The following LRRTM3 variants were observed in gnomAD, a reference collection of about 807,000 sequenced individuals.
LRRTM3 encodes the protein leucine-rich repeat transmembrane neuronal protein 3.
A neutral mutation model predicts 44.7 loss-of-function variants in LRRTM3; 24 were observed. That is an observed-to-expected ratio of 0.54 (90% CI 0.39 to 0.76). The LOEUF (loss-of-function observed/expected upper bound fraction) is 0.76. Ranked by LOEUF, LRRTM3 falls within the 30% of genes least tolerant of loss-of-function variation. LRRTM3 has a pLI of 0.00. For missense variants in LRRTM3, 587 were observed against 702.2 expected, an observed-to-expected ratio of 0.84 and a Z score of 1.85; for synonymous variants, 277 against 278.7, an observed-to-expected ratio of 0.99 and a Z score of 0.06.
chr10:66,944,066 T>C (rs2132693158), intron 2 of LRRTM3, among the ~76,000 whole-genome samples: 1 of 152,266 alleles, frequency 6.6e-6, no homozygotes, highest in Middle Eastern at 3.4e-3. Context: ...GGATGTCTGC[T>C]GCATTGGTTG....
chr10:66,936,157 G>C (rs1352297104), intron 2 of LRRTM3, among the ~76,000 whole-genome samples: 1 of 151,982 alleles, frequency 6.6e-6, no homozygotes, highest in Non-Finnish European at 1.5e-5. Flanking sequence ...TATTTTTATG[G>C]GCTTTACTCT....
intron 2 of LRRTM3, among the ~76,000 whole-genome samples, chr10:66,997,092 T>A (rs376529697): frequency 1.7e-3 from 265 of 152,308 alleles, no homozygotes; most frequent in African/African-American, 5.5e-3. Context: ...TTAGATGTGA[T>A]GGCAAGAATA....
intron 2 of LRRTM3, among the ~76,000 whole-genome samples, chr10:67,071,329 G>GT (rs1424770614): frequency 1.3e-5 from 1 of 78,216 alleles, no homozygotes; most frequent in African/African-American, 9.2e-5. Flanking sequence ...TTGTATTTTG[G>GT]GTTTTTTTTT....
intron 2 of LRRTM3, among the ~76,000 whole-genome samples, chr10:66,994,798 A>G (rs779430427): frequency 2.2e-4 from 34 of 152,360 alleles, no homozygotes; most frequent in Non-Finnish European, 4.7e-4. Context: ...ATTGTGAAGA[A>G]GTTTTACAAA....
At chr10:67,014,817 C>T (rs978027721) in intron 2 of LRRTM3, among the ~76,000 whole-genome samples, 1 of 151,940 alleles carries the variant, frequency 6.6e-6, no homozygotes, top group African/African-American at 2.4e-5. Flanking sequence ...TCATTCCAAA[C>T]ATAGCTAAAT....
chr10:67,078,866 C>A (rs1286268641), intron 2 of LRRTM3, among the ~76,000 whole-genome samples: 1 of 152,140 alleles, frequency 6.6e-6, no homozygotes, highest in Admixed American at 6.5e-5. Context: ...GCAAGGTTAG[C>A]AGGACACTTG....
At chr10:67,082,490 T>C (rs1857102525) in intron 2 of LRRTM3, among the ~76,000 whole-genome samples, 1 of 152,124 alleles carries the variant, frequency 6.6e-6, no homozygotes, top group East Asian at 1.9e-4. Context: ...GGGCTATACT[T>C]AAGGCCATAA....
rs552486865 is a variant in LRRTM3, at chr10:67,101,300, C to A, written c.*3504C>A. On this transcript the variant is annotated 3_prime_UTR_variant, in exon 3 of 3. Transcript: ENST00000361320. Reference sequence around the variant, plus strand: ...GAGATCCATAGTACAGGGTTGAACACATGTTCAACACTTTGTCAACTGAAC... The same window carrying A: ...GAGATCCATAGTACAGGGTTGAACAAATGTTCAACACTTTGTCAACTGAAC... Among the ~76,000 whole-genome samples the A allele has an allele frequency of 6.6e-6, 1 of 151,716 alleles. No homozygotes were observed. The highest frequency in any genetic ancestry group is 2.4e-5 in the African/African-American group (1 of 41,380).
At chr10:67,052,754 AC>A (rs1311328470) in intron 2 of LRRTM3, 1 of 152,202 alleles carries the variant, frequency 6.6e-6, no homozygotes, top group Non-Finnish European at 1.5e-5. Flanking sequence ...TACTACAAAA[AC>A]AAACAAACAA....
intron 2 of LRRTM3, among the ~76,000 whole-genome samples, chr10:66,931,891 T>G (rs188548103): frequency 2.2e-4 from 33 of 152,352 alleles, no homozygotes; most frequent in Middle Eastern, 6.8e-3. Flanking sequence ...TTTTGATATT[T>G]TTATTAAAGG....
intron 2 of LRRTM3, among the ~76,000 whole-genome samples, chr10:67,017,382 A>G (rs992469640): frequency 6.6e-6 from 1 of 152,174 alleles, no homozygotes; most frequent in Non-Finnish European, 1.5e-5. Context: ...GATTCTTTCT[A>G]CCACATCCTG....
Position 67,008,680 on chromosome 10 carries a change from C to T in LRRTM3, c.1536+80228C>T, listed in dbSNP as rs115635734. Among the ~76,000 whole-genome samples, 881 of 152,210 alleles carry T rather than the reference C, an allele frequency of 5.8e-3. 10 individuals are homozygous for T. Among genetic ancestry groups the T allele is most frequent in the African/African-American group, 0.02 (838 of 41,526 alleles). On this transcript the variant is annotated intron_variant, in intron 2 of 2. Transcript: ENST00000361320. ...CTTACAAGCTTGTTGGATTTAGAAG[C>T]CCCAGCTAGGATAGCACATCTCTGC...
Position 66,978,552 on chromosome 10 carries a change from A to AAAAAT in LRRTM3, c.1536+50101_1536+50102insAAATA. On this transcript the variant is annotated intron_variant, in intron 2 of 2. Transcript: ENST00000361320. ...AAAAAAAAAAAAAAAAAAAAAAAAA[A>AAAAAT]ATATATATATATATATATAGTATGG... 8.5e-4 allele frequency among the ~76,000 whole-genome samples: 32 copies of AAAAAT among 37,852 alleles called. 1 individual carries two copies. The highest frequency in any genetic ancestry group is 1.6e-3 in the African/African-American group (19 of 11,516). The allele number at this position is 37,852 out of a possible 152,430, so 24.8% of individuals were successfully genotyped here.
intron 2 of LRRTM3, among the ~76,000 whole-genome samples, chr10:67,035,509 G>A (rs908646846): frequency 6.6e-6 from 1 of 152,082 alleles, no homozygotes; most frequent in Non-Finnish European, 1.5e-5. Context: ...GAATATAGGA[G>A]AAAGTTTACT....
intron 2 of LRRTM3, among the ~76,000 whole-genome samples, chr10:66,980,565 T>TTCTGTTTCCCAAGCA (rs1564809959): frequency 1.3e-5 from 2 of 152,088 alleles, no homozygotes; most frequent in African/African-American, 2.4e-5. Context: ...GAGACCTTCC[T>TTCTGTTTCCCAAGCA]ACCCACCTGT....
intron 2 of LRRTM3, among the ~76,000 whole-genome samples, chr10:66,974,650 A>G (rs564243123): frequency 7.9e-4 from 120 of 152,308 alleles, no homozygotes; most frequent in African/African-American, 2.7e-3. Flanking sequence ...TCATTGGTTC[A>G]TATCATCTAC....
intron 2 of LRRTM3, among the ~76,000 whole-genome samples, chr10:67,011,317 G>A (rs1300768888): frequency 6.6e-6 from 1 of 150,634 alleles, no homozygotes; most frequent in African/African-American, 2.4e-5. Flanking sequence ...CTCCAGCCTG[G>A]GGCAGAGCAA....
chr10:67,005,052 A>G (rs1330461019), intron 2 of LRRTM3, among the ~76,000 whole-genome samples: 1 of 152,216 alleles, frequency 6.6e-6, no homozygotes, highest in Non-Finnish European at 1.5e-5. Context: ...AATAGTACAC[A>G]ATGTGGGATT....
rs185883263 is a variant in LRRTM3 at position 67,029,912 on chromosome 10, G to C, written c.1537-67675G>C. 3.5e-3 allele frequency among the ~76,000 whole-genome samples: 529 copies of C among 152,294 alleles called. 1 individual carries two copies. The highest frequency in any genetic ancestry group is 0.012 in the African/African-American group (495 of 41,568). On this transcript the variant is annotated intron_variant, in intron 2 of 2. Coordinates refer to ENST00000361320, the MANE Select transcript of LRRTM3 (RefSeq NM_178011.5). ...CACTGCACTGGACAATCCAGATATA[G>C]AACAGCCCCATGGCTGGCCAAAGTT...
Sources: allele counts gnomAD v4.1 joint callset (sites outside exome capture counted in the v4.1 genomes callset), GRCh38; gene constraint gnomAD v4.1.1; transcripts MANE v1.5; gene names NCBI Gene and HGNC (gene_info 2026-07-23, HGNC 2026-07-21).